Variants in MAN1B1 observed in about 807,000 individuals in gnomAD.
The protein encoded by MAN1B1 is mannosidase alpha class 1B member 1.
Under a neutral mutation model 75.5 loss-of-function variants are expected in MAN1B1, and 66 were observed. The observed-to-expected ratio is 0.87, with a 90% confidence interval of 0.72 to 1.07. The LOEUF (loss-of-function observed/expected upper bound fraction) is 1.07. Ranked by LOEUF, MAN1B1 falls within the 50% of genes least tolerant of loss-of-function variation. The probability of loss-of-function intolerance (pLI) is 0.00; values close to 1 mark genes in which losing one functional copy is unlikely to be tolerated. For synonymous variants in MAN1B1, 453 were observed against 382.8 expected (o/e 1.18, Z -2.14); for missense variants, 973 against 912.5 (o/e 1.07, Z -0.85).
At position 137,087,095 on chromosome 9, in the gene MAN1B1, C is replaced by G. The variant is rs892453546; in HGVS notation, c.96C>G (p.Ala32=). The part of the protein sequence containing the change: ...PPVGGAPWAV[A]TTVVMYPPPP... ...TGGGCGGGGCCCCTTGGGCCGTCGC[C>G]ACCACTGTAGTCATGTACCCACCGC... The change falls in exon 1 of 13, where the codon GCC becomes GCG. Residue 32 remains alanine (A), a synonymous_variant. Coordinates refer to ENST00000371589, the MANE Select transcript of MAN1B1 (RefSeq NM_016219.5). 14 of 1,598,960 alleles carry G rather than the reference C, an allele frequency of 8.8e-6. No homozygotes were observed. In the African/African-American group the frequency reaches 1.9e-4, roughly 21 times the overall value.
chr9:137,098,718 A>C (rs1830725359), intron 5 of MAN1B1, among the ~76,000 whole-genome samples: 1 of 152,146 alleles, frequency 6.6e-6, no homozygotes, highest in Admixed American at 6.5e-5. Flanking sequence ...CACATTAGTC[A>C]ATGTTGGCCG....
intron 3 of MAN1B1, among the ~76,000 whole-genome samples, chr9:137,095,949 G>C (rs1428669065): frequency 6.6e-6 from 1 of 152,202 alleles, no homozygotes; most frequent in Non-Finnish European, 1.5e-5. Flanking sequence ...GTTTACTGCA[G>C]CCCTTTGTTA....
At position 137,108,750 on chromosome 9, in the gene MAN1B1, G is replaced by A. The variant is rs777451470; in HGVS notation, c.*159G>A. 6.8e-6 allele frequency: 5 copies of A among 730,946 alleles called. No homozygotes were observed. Among genetic ancestry groups the A allele is most frequent in the Admixed American group, 2.0e-5 (1 of 50,220 alleles). 45.3% of individuals were successfully genotyped at this position (730,946 alleles called of 1,614,324 possible). Reference sequence around the variant, plus strand: ...TCGTCTCTGCTTTAATCAGGACACCGTGAGGACAAGTGAGGCCGTCAGTCT... The same window carrying A: ...TCGTCTCTGCTTTAATCAGGACACCATGAGGACAAGTGAGGCCGTCAGTCT... On this transcript the variant is annotated 3_prime_UTR_variant, in exon 13 of 13. Coordinates refer to ENST00000371589, the MANE Select transcript of MAN1B1 (RefSeq NM_016219.5).
chr9:137,098,383 C>A (rs1200390603), intron 5 of MAN1B1, among the ~76,000 whole-genome samples: 1 of 152,230 alleles, frequency 6.6e-6, no homozygotes, highest in Non-Finnish European at 1.5e-5. Flanking sequence ...CACGATAAGC[C>A]ACTCACCCTC....
intron 11 of MAN1B1, 29 bp downstream of exon 11, chr9:137,107,476 C>T (rs369176089): frequency 6.2e-7 from 1 of 1,613,276 alleles, no homozygotes; most frequent in Non-Finnish European, 8.5e-7. Flanking sequence ...CAGGGTCCAT[C>T]AGGAGGAGGG....
In MAN1B1 at chr9:137,096,216, G is replaced by C. The variant is rs200925650; in HGVS notation, c.466-21G>C. On this transcript the variant is annotated intron_variant, in intron 3 of 12. Coordinates refer to ENST00000371589, the MANE Select transcript of MAN1B1 (RefSeq NM_016219.5). ...GCTCGCAGACACCCCGTGATTTCCTGTGTGACCAATTTCTCTACAGAAGAC... is the reference window on the plus strand; with the variant it reads ...GCTCGCAGACACCCCGTGATTTCCTCTGTGACCAATTTCTCTACAGAAGAC... The C allele has an allele frequency of 5.0e-5, 81 of 1,614,108 alleles. No homozygotes were observed. The East Asian group carries it at 1.2e-3, about 24-fold the overall frequency.
rs1830457137 is a variant in MAN1B1, at chr9:137,089,141, C to T, written c.465+136C>T. Reference sequence around the variant, plus strand: ...TACCTCTCTCTCGTTTTGGACTGGTCGGATAATACTTGGGGAAAGAGAGGC... The same window carrying T: ...TACCTCTCTCTCGTTTTGGACTGGTTGGATAATACTTGGGGAAAGAGAGGC... On this transcript the variant is annotated intron_variant, in intron 3 of 12. Transcript: ENST00000371589. 22 of 1,124,198 alleles carry T rather than the reference C, an allele frequency of 2.0e-5. 2 individuals carry two copies. The highest frequency in any genetic ancestry group is 1.6e-4 in the South Asian group (13 of 79,650). 69.6% of individuals were successfully genotyped at this position (1,124,198 alleles called of 1,614,324 possible).
At position 137,096,356 on chromosome 9, in the gene MAN1B1, C is replaced by A. The variant is rs765068446; in HGVS notation, c.585C>A (p.Pro195=). 1 of 1,613,910 alleles carries A rather than the reference C, an allele frequency of 6.2e-7. No homozygotes were observed. The highest frequency in any genetic ancestry group is 8.5e-7 in the Non-Finnish European group (1 of 1,180,010). ...AAAGGCAAGAAGCCCCTGTGGATCC[C>A]CGCCCGGAAGGAGATCCGCAGAGGA... ...ATKRQEAPVD[P]RPEGDPQRTV... is the part of the protein sequence containing the mutation. The change falls in exon 4 of 13, where the codon CCC becomes CCA. Residue 195 remains proline (P), a synonymous_variant. Coordinates refer to ENST00000371589, the MANE Select transcript of MAN1B1 (RefSeq NM_016219.5).
chr9:137,098,837 C>A (rs1033748058), intron 5 of MAN1B1, among the ~76,000 whole-genome samples: 1 of 151,624 alleles, frequency 6.6e-6, no homozygotes, highest in African/African-American at 2.4e-5. Context: ...GAGGCCCCAT[C>A]TCTACAAAAA....
chr9:137,103,967 A>G (rs1831001820), intron 8 of MAN1B1: 1 of 442,026 alleles, frequency 2.3e-6, no homozygotes, highest in African/African-American at 2.0e-5. Flanking sequence ...GGTGTTGCAC[A>G]TTCATGCTGT....
intron 5 of MAN1B1, 64 bp downstream of exon 5, chr9:137,098,001 G>A (rs1215655545): frequency 1.5e-6 from 2 of 1,293,756 alleles, no homozygotes; most frequent in South Asian, 1.3e-5. Flanking sequence ...ATGGGTGCAG[G>A]CTTCGTCTCA....
Position 137,087,049 on chromosome 9 carries a change from C to A in MAN1B1, c.50C>A (p.Ser17Ter), listed in dbSNP as rs1830385408. 1 of 1,604,650 alleles carries A rather than the reference C, an allele frequency of 6.2e-7. No individual in the cohort carries two copies. Among genetic ancestry groups the A allele is most frequent in the East Asian group, 2.2e-5 (1 of 44,550 alleles). Residue 17 changes from serine (S) to a stop codon, truncating the protein, a stop_gained, in exon 1 of 13, where the codon TCG becomes TAG. Coordinates refer to ENST00000371589, the MANE Select transcript of MAN1B1 (RefSeq NM_016219.5). LOFTEE classifies it high-confidence loss of function. ...AGCGGAGCTCTCGGTTCCTCTCAGT[C>A]GGACTTCCTGACGCCGCCAGTGGGC... is the stretch of plus-strand genomic sequence containing the variant. ...RRSGALGSSQ[S>*]DFLTPPVGGA...
intron 12 of MAN1B1, chr9:137,108,176 C>A: frequency 1.6e-6 from 1 of 617,462 alleles, no homozygotes; most frequent in Non-Finnish European, 2.9e-6. Flanking sequence ...GAGGCGGTTT[C>A]TGTCGTGGTC....
In MAN1B1 at chr9:137,107,771, C is replaced by T. The variant is rs540432843; in HGVS notation, c.1896+109C>T. 4.7e-4 allele frequency: 720 copies of T among 1,526,986 alleles called. 3 individuals carry two copies. The African/African-American group carries it at 7.3e-3, about 16-fold the overall frequency. The allele number at this position is 1,526,986 out of a possible 1,614,324, so 94.6% of individuals were successfully genotyped here. A position where few individuals can be genotyped will look rare whatever the true frequency, so the allele number is the denominator to read the frequency against. On this transcript the variant is annotated intron_variant, in intron 12 of 12. Coordinates refer to ENST00000371589, the MANE Select transcript of MAN1B1 (RefSeq NM_016219.5). ...CTTGGTGGTGGCTGTGACCTGGATC[C>T]GGGAGGGGCGGGCTTGCCGCAGCCT...
chr9:137,106,805 A>G lies in MAN1B1; in HGVS notation c.1562A>G (p.Lys521Arg). ...GELAHGRFSA[K>R]MDHLVCFLPG... ...CTTGCCCACGGCCGCTTCAGTGCCA[A>G]GATGGTGAGTGTGTCTGCGGGGCCT... Residue 521 changes from lysine (K) to arginine (R), a missense_variant, in exon 10 of 13, where the codon AAG (lysine) becomes AGG (arginine). Physicochemically the swap from Lys to Arg is conservative, Grantham distance 26 (BLOSUM62 2). Coordinates refer to ENST00000371589, the MANE Select transcript of MAN1B1 (RefSeq NM_016219.5). 1 of 1,613,276 alleles carries G rather than the reference A, an allele frequency of 6.2e-7. No individual in the cohort carries two copies. The highest frequency in any genetic ancestry group is 1.1e-5 in the South Asian group (1 of 91,084).
chr9:137,107,394 A>G lies in MAN1B1; in HGVS notation c.1711A>G (p.Ile571Val). Residue 571 changes from isoleucine to valine, a missense_variant, in exon 11 of 13, where the codon ATC becomes GTC. Ile to Val is a conservative substitution (Grantham distance 29). Coordinates refer to ENST00000371589, the MANE Select transcript of MAN1B1 (RefSeq NM_016219.5). Reference protein sequence around the residue: ...RQMETGLSPEIVHFNLYPQPG... With the variant: ...RQMETGLSPEVVHFNLYPQPG... ...GATGGAGACGGGGCTGAGTCCCGAG[A>G]TCGTGCACTTCAACCTTTACCCCCA... 6.2e-7 allele frequency: 1 copy of G among 1,613,384 alleles called. No individual in the cohort carries two copies. Among genetic ancestry groups the G allele is most frequent in the Non-Finnish European group, 8.5e-7 (1 of 1,179,972 alleles).
At position 137,099,865 on chromosome 9, in the gene MAN1B1, C is replaced by A. The variant is rs1830761093; in HGVS notation, c.900C>A (p.Ile300=). The change falls in exon 6 of 13, where the codon ATC becomes ATA. Residue 300 remains isoleucine (I), a synonymous_variant. Coordinates refer to ENST00000371589, the MANE Select transcript of MAN1B1 (RefSeq NM_016219.5). The stretch of plus-strand genomic sequence containing the variant: ...TCGACGCGCTGGACACCATGTGGAT[C>A]TTGGGTCTGAGGAAAGGTACCTGGT... ...TLIDALDTMW[I]LGLRKEFEEA... 1 of 1,614,062 alleles carries A rather than the reference C, an allele frequency of 6.2e-7. No homozygotes were observed. Among genetic ancestry groups the A allele is most frequent in the South Asian group, 1.1e-5 (1 of 91,092 alleles).
intron 3 of MAN1B1, among the ~76,000 whole-genome samples, chr9:137,095,118 G>T (rs1453408956): frequency 1.3e-5 from 2 of 152,182 alleles, no homozygotes; most frequent in African/African-American, 4.8e-5. Flanking sequence ...AACCCAGGAG[G>T]TGGAGGTTGC....
rs1830694177 is a variant in MAN1B1, at chr9:137,097,810, C to T, written c.621-18C>T. On this transcript the variant is annotated intron_variant, in intron 4 of 12. Transcript: ENST00000371589. Reference sequence around the variant, plus strand: ...CAAATGTTTGACGGCAGCTGACACCCTTCCTTCTCCCCCGAAGCTGGAGGG... The same window carrying T: ...CAAATGTTTGACGGCAGCTGACACCTTTCCTTCTCCCCCGAAGCTGGAGGG... 1 of 1,534,704 alleles carries T rather than the reference C, an allele frequency of 6.5e-7. No homozygotes were observed. The highest frequency in any genetic ancestry group is 1.2e-5 in the South Asian group (1 of 83,782).
Sources: allele counts gnomAD v4.1 joint callset (sites outside exome capture counted in the v4.1 genomes callset), GRCh38; gene constraint gnomAD v4.1.1; transcripts MANE v1.5; gene names NCBI Gene and HGNC (gene_info 2026-07-23, HGNC 2026-07-21).